Variants in ROBO2 observed in about 807,000 individuals in gnomAD.
The protein encoded by ROBO2 is roundabout homolog 2.
A neutral mutation model predicts 160.8 loss-of-function variants in ROBO2; 53 were observed. That is an observed-to-expected ratio of 0.33 (90% CI 0.26 to 0.41). The LOEUF (loss-of-function observed/expected upper bound fraction) is 0.41. Ranked by LOEUF, ROBO2 falls within the 10% of genes least tolerant of loss-of-function variation. ROBO2 has a pLI of 1.00. For synonymous variants in ROBO2, 664 were observed against 611.7 expected (o/e 1.09, Z -1.26); for missense variants, 1,577 against 1,722.4 (o/e 0.92, Z 1.49).
intron 2 of ROBO2, among the ~76,000 whole-genome samples, chr3:76,175,186 G>A (rs909727191): frequency 2.6e-5 from 4 of 151,858 alleles, no homozygotes; most frequent in African/African-American, 9.7e-5. Flanking sequence ...GTATAGGAAC[G>A]CTTGTGATTT....
At chr3:77,230,645 T>C (rs1215597265) in intron 2 of ROBO2, among the ~76,000 whole-genome samples, 3 of 152,214 alleles carry the variant, frequency 2.0e-5, no homozygotes, top group Non-Finnish European at 4.4e-5. Context: ...CTCAAAGTTT[T>C]TATCTGAAAA....
At chr3:76,666,504 C>G (rs1460853213) in intron 2 of ROBO2, among the ~76,000 whole-genome samples, 1 of 152,012 alleles carries the variant, frequency 6.6e-6, no homozygotes, top group Non-Finnish European at 1.5e-5. Flanking sequence ...CTGAGCAGAA[C>G]TATGGTGTTT....
At chr3:76,387,007 G>A (rs1179309603) in intron 2 of ROBO2, among the ~76,000 whole-genome samples, 1 of 152,200 alleles carries the variant, frequency 6.6e-6, no homozygotes, top group Non-Finnish European at 1.5e-5. Flanking sequence ...AATTTTATAT[G>A]ATAGAGATCT....
chr3:77,041,682 A>G (rs1208249202), intron 1 of ROBO2, among the ~76,000 whole-genome samples: 1 of 152,206 alleles, frequency 6.6e-6, no homozygotes. Flanking sequence ...GGAAATAATC[A>G]TTAACATGCT....
At chr3:77,026,065 G>A (rs1452454830) in intron 2 of ROBO2, among the ~76,000 whole-genome samples, 1 of 152,198 alleles carries the variant, frequency 6.6e-6, no homozygotes, top group Non-Finnish European at 1.5e-5. Flanking sequence ...ATGTGCATAT[G>A]CTTGGTGTTA....
chr3:76,816,130 G>A (rs533836426), intron 2 of ROBO2, among the ~76,000 whole-genome samples: 1 of 152,168 alleles, frequency 6.6e-6, no homozygotes, highest in South Asian at 2.1e-4. Flanking sequence ...TACTCAAACA[G>A]GGAATGAGAA....
At chr3:76,465,436 C>G (rs767784658) in intron 2 of ROBO2, among the ~76,000 whole-genome samples, 2 of 151,976 alleles carry the variant, frequency 1.3e-5, no homozygotes, top group Non-Finnish European at 2.9e-5. Context: ...GCATTTTATA[C>G]CCACCCATCC....
At chr3:76,698,693 A>T (rs1333089750) in intron 2 of ROBO2, among the ~76,000 whole-genome samples, 6 of 152,180 alleles carry the variant, frequency 3.9e-5, no homozygotes, top group Non-Finnish European at 8.8e-5. Flanking sequence ...CGTTTTCAAG[A>T]TCTATCTGGA....
At chr3:77,277,263 G>A (rs1419825922) in intron 2 of ROBO2, among the ~76,000 whole-genome samples, 2 of 115,866 alleles carry the variant, frequency 1.7e-5, no homozygotes, top group Admixed American at 9.1e-5. Context: ...TTGTCTTTCT[G>A]TCTTTCTTTT....
intron 2 of ROBO2, among the ~76,000 whole-genome samples, chr3:76,273,019 A>G (rs1326490099): frequency 1.0e-5 from 1 of 98,942 alleles, no homozygotes; most frequent in African/African-American, 4.0e-5. Context: ...AATATATTAT[A>G]TATAATATAT....
chr3:76,161,018 T>C (rs2072611273), intron 2 of ROBO2, among the ~76,000 whole-genome samples: 1 of 152,184 alleles, frequency 6.6e-6, no homozygotes, highest in African/African-American at 2.4e-5. Context: ...GAACGGTTAA[T>C]GAACTTTGTA....
chr3:76,749,377 T>G (rs2093943161), intron 2 of ROBO2, among the ~76,000 whole-genome samples: 1 of 152,018 alleles, frequency 6.6e-6, no homozygotes, highest in Non-Finnish European at 1.5e-5. Flanking sequence ...AAACTGTAGT[T>G]TGCATCCTGC....
chr3:76,133,421 G>A (rs2071307149), intron 2 of ROBO2, among the ~76,000 whole-genome samples: 1 of 151,822 alleles, frequency 6.6e-6, no homozygotes, highest in East Asian at 1.9e-4. Context: ...ACATGTATTA[G>A]TCTACTAGTC....
At chr3:77,429,895 C>T (rs1287836526) in intron 2 of ROBO2, among the ~76,000 whole-genome samples, 1 of 152,076 alleles carries the variant, frequency 6.6e-6, no homozygotes, top group Admixed American at 6.6e-5. Flanking sequence ...GACTGTATCT[C>T]AAGAGAGAGA....
chr3:76,366,307 C>A (rs549084117), intron 2 of ROBO2, among the ~76,000 whole-genome samples: 14 of 151,984 alleles, frequency 9.2e-5, no homozygotes, highest in African/African-American at 3.1e-4. Flanking sequence ...CACTTGCAAC[C>A]AGGCACACTG....
chr3:76,822,797 A>T (rs1476563953), intron 2 of ROBO2, among the ~76,000 whole-genome samples: 1 of 151,852 alleles, frequency 6.6e-6, no homozygotes, highest in Non-Finnish European at 1.5e-5. Context: ...TCCCTAAAGA[A>T]GATTAAGAAG....
At chr3:77,534,569 A>T (rs1466387333) in intron 6 of ROBO2, among the ~76,000 whole-genome samples, 1 of 152,178 alleles carries the variant, frequency 6.6e-6, no homozygotes, top group Non-Finnish European at 1.5e-5. Context: ...GATGTGTGTT[A>T]CACCTACATA....
At chr3:76,118,059 G>A (rs1339751753) in intron 2 of ROBO2, among the ~76,000 whole-genome samples, 1 of 151,916 alleles carries the variant, frequency 6.6e-6, no homozygotes, top group Non-Finnish European at 1.5e-5. Context: ...CGAGTTAATG[G>A]GTGCAGCACA....
At chr3:77,097,903 T>G in intron 1 of ROBO2, 111 bp from the exon 2 acceptor site, 3 of 940,782 alleles carry the variant, frequency 3.2e-6, no homozygotes, top group Non-Finnish European at 4.6e-6. Flanking sequence ...CATAAAATAA[T>G]GTTCAGTTGG....
Sources: allele counts gnomAD v4.1 joint callset (sites outside exome capture counted in the v4.1 genomes callset), GRCh38; gene constraint gnomAD v4.1.1; transcripts MANE v1.5; gene names NCBI Gene and HGNC (gene_info 2026-07-23, HGNC 2026-07-21).